CFAP61: variants seen among roughly 807,000 people sequenced by gnomAD.
CFAP61 encodes the protein cilia and flagella associated protein 61.
CFAP61 carries 107 observed loss-of-function variants against 135.6 expected under a neutral mutation model. The observed-to-expected ratio is 0.79, with a 90% CI of 0.67 to 0.93. The LOEUF (loss-of-function observed/expected upper bound fraction) is 0.93. Ranked by LOEUF, CFAP61 falls within the 40% of genes least tolerant of loss-of-function variation. The pLI, the probability that CFAP61 is intolerant of heterozygous loss-of-function variation, is 0.00. For missense variants in CFAP61, 1,507 were observed against 1,556.2 expected (o/e 0.97, Z 0.53); for synonymous variants, 575 against 578.5 (o/e 0.99, Z 0.09).
intron 8 of CFAP61, among the ~76,000 whole-genome samples, chr20:20,131,806 C>A (rs1403181600): frequency 6.6e-6 from 1 of 151,954 alleles, no homozygotes; most frequent in Non-Finnish European, 1.5e-5. Context: ...CTGCAACCCA[C>A]AAGTTTTGGT....
chr20:20,217,776 C>G (rs1165285045), intron 17 of CFAP61, among the ~76,000 whole-genome samples: 1 of 152,206 alleles, frequency 6.6e-6, no homozygotes, highest in African/African-American at 2.4e-5. Context: ...AGCTTTCCCT[C>G]CCAGCCTTTT....
intron 16 of CFAP61, 34 bp from the exon 17 acceptor site, chr20:20,199,734 T>C: frequency 6.2e-7 from 1 of 1,612,778 alleles, no homozygotes. Context: ...TCTCTGACAT[T>C]CTCTCCCCTA....
chr20:20,193,906 C>T (rs141167795), intron 15 of CFAP61, among the ~76,000 whole-genome samples: 2 of 152,286 alleles, frequency 1.3e-5, no homozygotes, highest in South Asian at 2.1e-4. Context: ...CAGCCCCCTG[C>T]GCCAGCCTCA....
intron 6 of CFAP61, 93 bp downstream of exon 6, chr20:20,075,708 G>T: frequency 7.0e-7 from 1 of 1,432,122 alleles, no homozygotes; most frequent in South Asian, 1.3e-5. Flanking sequence ...AGTGACTATA[G>T]CTTAGATCAA....
intron 20 of CFAP61, among the ~76,000 whole-genome samples, chr20:20,261,048 T>A (rs1252533298): frequency 6.6e-6 from 1 of 152,244 alleles, no homozygotes; most frequent in Non-Finnish European, 1.5e-5. Context: ...ACTTTACCTC[T>A]GCAATTTTGG....
At chr20:20,249,788 T>TACAGTTA (rs2050744392) in intron 19 of CFAP61, among the ~76,000 whole-genome samples, 1 of 152,234 alleles carries the variant, frequency 6.6e-6, no homozygotes, top group African/African-American at 2.4e-5. Flanking sequence ...CCTTTATCTT[T>TACAGTTA]GGGCACAGCC....
In CFAP61 at chr20:20,196,724, G is replaced by A; in HGVS notation, c.1745G>A (p.Gly582Asp). Residue 582 changes from glycine (G) to aspartate (D), a missense_variant, in exon 16 of 27, where the codon GGC (glycine) becomes GAC (aspartate). Transcript: ENST00000245957. The part of the protein sequence containing the change: ...KFFLKEILRL[G>D]FKSCLYYRVY... ...TTTCTGAAGGAGATCCTGCGTTTAG[G>A]CTTTAAATCCTGTCTCTACTACCGT... The A allele has an allele frequency of 6.2e-7, 1 of 1,614,152 alleles. No homozygotes were observed. Among genetic ancestry groups the A allele is most frequent in the Non-Finnish European group, 8.5e-7 (1 of 1,180,032 alleles).
intron 18 of CFAP61, among the ~76,000 whole-genome samples, chr20:20,243,125 A>G (rs2050139556): frequency 1.3e-5 from 2 of 151,490 alleles, no homozygotes; most frequent in African/African-American, 4.8e-5. Flanking sequence ...GCAAGGAGGA[A>G]CAACTCATGT....
At chr20:20,127,291 G>A (rs2050141785) in intron 8 of CFAP61, among the ~76,000 whole-genome samples, 1 of 151,232 alleles carries the variant, frequency 6.6e-6, no homozygotes, top group African/African-American at 2.4e-5. Flanking sequence ...TTGTTAAAGA[G>A]CCTTGTTTTG....
intron 15 of CFAP61, among the ~76,000 whole-genome samples, chr20:20,193,798 G>C (rs2056095101): frequency 6.6e-6 from 1 of 152,044 alleles, no homozygotes; most frequent in African/African-American, 2.4e-5. Context: ...ATTTTTAGTA[G>C]AGATGGGGTT....
At chr20:20,112,986 T>A (rs2048901334) in intron 8 of CFAP61, among the ~76,000 whole-genome samples, 4 of 152,228 alleles carry the variant, frequency 2.6e-5, no homozygotes, top group Admixed American at 6.5e-5. Context: ...CTTGTCCTCT[T>A]GTCTTTAATT....
chr20:20,079,450 T>A (rs2046282866), intron 6 of CFAP61, among the ~76,000 whole-genome samples: 1 of 152,026 alleles, frequency 6.6e-6, no homozygotes, highest in East Asian at 1.9e-4. Context: ...TTTTCCTTTT[T>A]GCTGGAGAAA....
At chr20:20,297,560 G>A (rs1569263295) in intron 24 of CFAP61, among the ~76,000 whole-genome samples, 1 of 152,190 alleles carries the variant, frequency 6.6e-6, no homozygotes, top group Non-Finnish European at 1.5e-5. Context: ...GCAATTGGAG[G>A]TGGTTTCTAC....
At chr20:20,262,882 ACT>A (rs2052380634) in intron 20 of CFAP61, 72 bp from the exon 21 acceptor site, 7 of 767,204 alleles carry the variant, frequency 9.1e-6, no homozygotes, top group Non-Finnish European at 1.2e-5. Context: ...TGCTATGTCT[ACT>A]TTTTTTTTTT....
At chr20:20,184,227 T>A (rs2055331425) in intron 13 of CFAP61, among the ~76,000 whole-genome samples, 1 of 152,206 alleles carries the variant, frequency 6.6e-6, no homozygotes, top group Admixed American at 6.5e-5. Flanking sequence ...GTTGTAGTAT[T>A]TATTATATGT....
intron 17 of CFAP61, chr20:20,200,945 T>C: frequency 1.0e-6 from 1 of 985,462 alleles, no homozygotes; most frequent in Non-Finnish European, 1.2e-6. Flanking sequence ...GAGGCAGCTT[T>C]GTGTCTTACA....
intron 26 of CFAP61, among the ~76,000 whole-genome samples, chr20:20,348,965 TA>T (rs924654031): frequency 1.3e-5 from 2 of 152,178 alleles, no homozygotes; most frequent in Non-Finnish European, 2.9e-5. Context: ...TCACCACTTA[TA>T]TTCAGCATGG....
Position 20,263,060 on chromosome 20 carries a change from C to T in CFAP61, c.2433C>T (p.Phe811=), listed in dbSNP as rs78947664. 656 of 1,614,044 alleles carry T rather than the reference C, an allele frequency of 4.1e-4. 5 individuals carry two copies. In the African/African-American group the frequency reaches 8.0e-3, roughly 20 times the overall value. The part of the protein sequence containing the change: ...RYTGKVPCNH[F]TLNEEEDCFK... ...CGGGGAAAGTTCCTTGCAACCATTT[C>T]ACTCTCAACGAGGAAGAGGATTGCT... The change falls in exon 21 of 27, where the codon TTC becomes TTT. Residue 811 remains phenylalanine, a synonymous_variant. Transcript: ENST00000245957.
chr20:20,156,742 C>T (rs2052941267), intron 9 of CFAP61, among the ~76,000 whole-genome samples: 2 of 152,098 alleles, frequency 1.3e-5, no homozygotes, highest in South Asian at 4.2e-4. Flanking sequence ...ATTGAAATAC[C>T]ATCTACAACA....
Sources: allele counts gnomAD v4.1 joint callset (sites outside exome capture counted in the v4.1 genomes callset), GRCh38; gene constraint gnomAD v4.1.1; transcripts MANE v1.5; gene names NCBI Gene and HGNC (gene_info 2026-07-23, HGNC 2026-07-21).